The following ANAPC10 variants were observed in gnomAD, a reference collection of about 807,000 sequenced individuals.
ANAPC10 encodes the protein anaphase promoting complex subunit 10.
Under a neutral mutation model 22.0 loss-of-function variants are expected in ANAPC10, and 12 were observed. The observed-to-expected ratio is 0.55, with a 90% confidence interval of 0.35 to 0.88. The LOEUF (loss-of-function observed/expected upper bound fraction) is 0.88, where lower values mean the gene tolerates loss of function less well. Ranked by LOEUF, ANAPC10 falls within the 40% of genes least tolerant of loss-of-function variation. The pLI, the probability that ANAPC10 is intolerant of heterozygous loss-of-function variation, is 0.01. For missense variants in ANAPC10, 188 were observed against 220.9 expected (o/e 0.85, Z 0.94); for synonymous variants, 65 against 69.5 (o/e 0.94, Z 0.32).
At chr4:145,021,610 G>A (rs1735970972) in intron 4 of ANAPC10, among the ~76,000 whole-genome samples, 1 of 152,088 alleles carries the variant, frequency 6.6e-6, no homozygotes, top group South Asian at 2.1e-4. Flanking sequence ...CTAGACATTG[G>A]TTTAGGCAAG....
At chr4:145,073,557 T>C (rs1744784703) in intron 3 of ANAPC10, among the ~76,000 whole-genome samples, 4 of 152,136 alleles carry the variant, frequency 2.6e-5, no homozygotes, top group Admixed American at 6.5e-5. Flanking sequence ...ATATATAGGA[T>C]TTTATTAAAT....
intron 4 of ANAPC10, among the ~76,000 whole-genome samples, chr4:145,007,358 G>A (rs1370573735): frequency 3.3e-5 from 5 of 151,892 alleles, no homozygotes; most frequent in African/African-American, 2.4e-5. Context: ...CACCCCACAC[G>A]CTTATTCCAA....
intron 3 of ANAPC10, among the ~76,000 whole-genome samples, chr4:145,076,771 C>T (rs12501381): frequency 0.25 from 38,570 of 152,062 alleles, 6,374 homozygotes; most frequent in East Asian, 0.45. Flanking sequence ...ACCAAACTGA[C>T]CTGGTAGAGC....
chr4:145,055,718 G>A (rs972346308), intron 4 of ANAPC10, among the ~76,000 whole-genome samples: 1 of 152,078 alleles, frequency 6.6e-6, no homozygotes, highest in African/African-American at 2.4e-5. Flanking sequence ...CAAATTCATA[G>A]AAACAAAAAC....
upstream of ANAPC10, chr4:145,098,294 G>T (rs1748921701): frequency 6.6e-6 from 1 of 152,416 alleles, no homozygotes; most frequent in South Asian, 2.1e-4. Context: ...TATGGCTTGC[G>T]CGTGCGGCGG....
At chr4:145,040,526 G>A (rs576856727) in intron 4 of ANAPC10, among the ~76,000 whole-genome samples, 3 of 152,308 alleles carry the variant, frequency 2.0e-5, no homozygotes, top group African/African-American at 4.8e-5. Context: ...TCACTGAGCT[G>A]CTAGTATGTT....
In ANAPC10 at chr4:145,049,070, T is replaced by C. The variant is rs189310421; in HGVS notation, c.327+15502A>G. Reference sequence around the variant, plus strand: ...ATTATGCTCACACTCTACTGTAGTCTATTAAGTGTGTAATAGCATTATGTC... The same window carrying C: ...ATTATGCTCACACTCTACTGTAGTCCATTAAGTGTGTAATAGCATTATGTC... On this transcript the variant is annotated intron_variant, in intron 4 of 4. Transcript: ENST00000507656. Among the ~76,000 whole-genome samples the C allele has an allele frequency of 4.6e-5, 7 of 152,352 alleles. No homozygotes were observed. The East Asian group carries it at 1.3e-3, about 29-fold the overall frequency.
Position 145,083,166 on chromosome 4 carries a change from T to A in ANAPC10, c.116-1416A>T, listed in dbSNP as rs536909250. Among the ~76,000 whole-genome samples, 101 of 152,286 alleles carry A rather than the reference T, an allele frequency of 6.6e-4. 1 individual carries two copies. Among genetic ancestry groups the A allele is most frequent in the Non-Finnish European group, 1.1e-3 (75 of 67,994 alleles). The stretch of plus-strand genomic sequence containing the variant: ...AATAAATTAACAACAATAATAACAA[T>A]AACAAACACTGATATCACATTAACT... On this transcript the variant is annotated intron_variant, in intron 2 of 4. Transcript: ENST00000507656.
intron 3 of ANAPC10, among the ~76,000 whole-genome samples, chr4:145,078,330 A>G (rs886341082): frequency 6.6e-6 from 1 of 152,180 alleles, no homozygotes; most frequent in African/African-American, 2.4e-5. Flanking sequence ...GAGGCAAAAG[A>G]TCTCTACAAG....
At position 145,018,978 on chromosome 4, in the gene ANAPC10, TAGAC is replaced by T. The variant is rs1416228209; in HGVS notation, c.328-23379_328-23376del. Reference sequence around the variant, plus strand: ...TTACTAATAGACCTAAAAAATGAGATAGACAGCAACACCATAACAGTGGGGGACT... The same window carrying T: ...TTACTAATAGACCTAAAAAATGAGATAGCAACACCATAACAGTGGGGGACT... On this transcript the variant is annotated intron_variant, in intron 4 of 4. Transcript: ENST00000507656. Among the ~76,000 whole-genome samples the T allele has an allele frequency of 2.0e-5, 3 of 152,148 alleles. No individual in the cohort carries two copies. The South Asian group carries it at 6.2e-4, about 32-fold the overall frequency.
chr4:144,998,590 C>G (rs1446805607), intron 4 of ANAPC10, among the ~76,000 whole-genome samples: 1 of 152,104 alleles, frequency 6.6e-6, no homozygotes. Context: ...ACACAACATA[C>G]CAGAATCTCT....
intron 4 of ANAPC10, among the ~76,000 whole-genome samples, chr4:145,040,337 G>A (rs1739328959): frequency 6.6e-6 from 1 of 152,048 alleles, no homozygotes; most frequent in Non-Finnish European, 1.5e-5. Flanking sequence ...TAATAGAGAC[G>A]GGGTTTCTCC....
At chr4:145,022,385 A>G (rs1736083248) in intron 4 of ANAPC10, among the ~76,000 whole-genome samples, 1 of 152,112 alleles carries the variant, frequency 6.6e-6, no homozygotes, top group African/African-American at 2.4e-5. Flanking sequence ...GAGATCGGAG[A>G]CTATTATTCT....
At chr4:144,995,844 A>T (rs1159982210) in intron 4 of ANAPC10, among the ~76,000 whole-genome samples, 1 of 152,196 alleles carries the variant, frequency 6.6e-6, no homozygotes, top group Non-Finnish European at 1.5e-5. Context: ...ATGTTTACTG[A>T]ACTCGTACAA....
chr4:145,087,415 G>A (rs2126630752), intron 2 of ANAPC10, among the ~76,000 whole-genome samples: 1 of 151,976 alleles, frequency 6.6e-6, no homozygotes, highest in Non-Finnish European at 1.5e-5. Flanking sequence ...GGAGTACAGT[G>A]GTACGATCAC....
intron 4 of ANAPC10, among the ~76,000 whole-genome samples, chr4:145,048,727 T>C (rs1295137423): frequency 6.6e-6 from 1 of 151,876 alleles, no homozygotes; most frequent in African/African-American, 2.4e-5. Flanking sequence ...AACATGTATG[T>C]TTTTCAAGCA....
chr4:145,081,455 C>T (rs979633858), intron 3 of ANAPC10: 13 of 413,058 alleles, frequency 3.1e-5, no homozygotes, highest in African/African-American at 2.3e-4. Flanking sequence ...TGCAACATAC[C>T]ATAAGAAAAT....
intron 2 of ANAPC10, among the ~76,000 whole-genome samples, chr4:145,084,737 C>T (rs907854516): frequency 6.6e-6 from 1 of 152,110 alleles, no homozygotes; most frequent in Non-Finnish European, 1.5e-5. Context: ...AGCCACTAGC[C>T]ACATGTGGCT....
intron 4 of ANAPC10, among the ~76,000 whole-genome samples, chr4:145,002,984 G>A (rs116216743): frequency 4.7e-4 from 71 of 152,178 alleles, no homozygotes; most frequent in African/African-American, 1.3e-3. Flanking sequence ...CATAATACCC[G>A]ATAGGTAGTT....
Sources: allele counts gnomAD v4.1 joint callset (sites outside exome capture counted in the v4.1 genomes callset), GRCh38; gene constraint gnomAD v4.1.1; transcripts MANE v1.5; gene names NCBI Gene and HGNC (gene_info 2026-07-23, HGNC 2026-07-21).